Variants in KIF13B observed in about 807,000 individuals in gnomAD.
KIF13B encodes kinesin family member 13B.
Under a neutral mutation model 222.0 loss-of-function variants are expected in KIF13B, and 127 were observed. The ratio of observed to expected loss-of-function variants is 0.57; its 90% CI spans 0.50 to 0.66. KIF13B has a LOEUF of 0.66. Among genes scored for constraint, KIF13B ranks in the 30% least tolerant of loss-of-function variants. The probability of loss-of-function intolerance (pLI) is 0.00; values close to 1 mark genes in which losing one functional copy is unlikely to be tolerated. For missense variants in KIF13B, 2,173 were observed against 2,379.0 expected, an observed-to-expected ratio of 0.91 and a Z score of 1.80; for synonymous variants, 976 against 919.0, an observed-to-expected ratio of 1.06 and a Z score of -1.12.
In KIF13B at chr8:29,070,661, C is replaced by G; in HGVS notation, c.5324G>C (p.Arg1775Pro). 1 of 1,562,014 alleles carries G rather than the reference C, an allele frequency of 6.4e-7. No individual in the cohort carries two copies. The highest frequency in any genetic ancestry group is 8.7e-7 in the Non-Finnish European group (1 of 1,153,334). The change falls in exon 40 of 40, where the codon CGG becomes CCG. Residue 1775 changes from arginine to proline, a missense_variant. By Grantham distance (103) the Arg-to-Pro change is moderately radical. Around this residue, in one of 2 missense-constraint regions of KIF13B, gnomAD observed 693 missense variants for 656.2 expected, o/e 1.06. Transcript: ENST00000524189. This position sits in a 1 kb window ranked among gnomAD's most constrained non-coding sequence, Gnocchi z 4.1. ...SRVRRATGPV[R>P]RRSTGLRLGA... ...CAGCCGGAGTCCTGTGCTGCGCCGCCGCACAGGGCCCGTGGCCCTGCGGAC... is the reference window on the plus strand; with the variant it reads ...CAGCCGGAGTCCTGTGCTGCGCCGCGGCACAGGGCCCGTGGCCCTGCGGAC...
chr8:29,210,525 T>C (rs1814172107), intron 2 of KIF13B, among the ~76,000 whole-genome samples: 1 of 152,184 alleles, frequency 6.6e-6, no homozygotes, highest in Non-Finnish European at 1.5e-5. Context: ...TCCAAGAGTT[T>C]ACAGGGCTCC....
chr8:29,075,214 C>G (rs1027797257), intron 38 of KIF13B, 67 bp downstream of exon 38: 8 of 1,305,950 alleles, frequency 6.1e-6, no homozygotes, highest in Non-Finnish European at 8.7e-6. Flanking sequence ...GTGGACTCAA[C>G]AGTTTCGGCA....
At chr8:29,098,473 G>C (rs906726346) in intron 36 of KIF13B, among the ~76,000 whole-genome samples, 6 of 150,860 alleles carry the variant, frequency 4.0e-5, no homozygotes, top group Admixed American at 2.6e-4. Context: ...CGTGGTGGTG[G>C]GCGCCTGTAA....
chr8:29,089,834 C>T (rs1808211326), intron 37 of KIF13B, among the ~76,000 whole-genome samples: 1 of 147,212 alleles, frequency 6.8e-6, no homozygotes, highest in South Asian at 2.1e-4. Flanking sequence ...GTGGAGGTTG[C>T]AGTGAGCCAA....
intron 10 of KIF13B, among the ~76,000 whole-genome samples, chr8:29,172,812 C>T (rs951252399): frequency 6.6e-6 from 1 of 152,208 alleles, no homozygotes; most frequent in Non-Finnish European, 1.5e-5. Context: ...GATACTCCTG[C>T]AACAGGTGCT....
At chr8:29,215,703 C>T (rs1814447414) in intron 2 of KIF13B, among the ~76,000 whole-genome samples, 1 of 152,148 alleles carries the variant, frequency 6.6e-6, no homozygotes, top group African/African-American at 2.4e-5. Context: ...TAAGAGTATG[C>T]CTTCCAAGTT....
rs543545588 is a variant in KIF13B at position 29,069,712 on chromosome 8, T to C, written c.*792A>G. 6 of 152,304 alleles carry C rather than the reference T, an allele frequency of 3.9e-5. No individual in the cohort carries two copies. Among genetic ancestry groups the C allele is most frequent in the East Asian group, 3.9e-4 (2 of 5,166 alleles). 9.4% of individuals were successfully genotyped at this position (152,304 alleles called of 1,614,324 possible). A position where few individuals can be genotyped will look rare whatever the true frequency, so the allele number is the denominator to read the frequency against. On this transcript the variant is annotated 3_prime_UTR_variant, in exon 40 of 40. Coordinates refer to ENST00000524189, the MANE Select transcript of KIF13B (RefSeq NM_015254.4). ...GCCCCCCCACACAGGCAGACGACGA[T>C]TGCGGCTCGCAAATGATTTCGGATT...
chr8:29,130,501 G>T, intron 24 of KIF13B, 32 bp downstream of exon 24: 3 of 1,610,636 alleles, frequency 1.9e-6, no homozygotes, highest in South Asian at 1.1e-5. Flanking sequence ...TGGCACCAAA[G>T]AATCTAATGT....
intron 35 of KIF13B, among the ~76,000 whole-genome samples, chr8:29,105,650 G>GTTTTTTTTTTT (rs869030059): frequency 2.6e-5 from 2 of 78,072 alleles, no homozygotes; most frequent in Non-Finnish European, 4.3e-5. Flanking sequence ...AGTTTGTTTG[G>GTTTTTTTTTTT]TTTTTTTTTT....
chr8:29,160,645 T>G, intron 13 of KIF13B, 88 bp downstream of exon 13: 1 of 1,262,754 alleles, frequency 7.9e-7, no homozygotes, highest in Non-Finnish European at 1.1e-6. Context: ...GTTTTCTGAG[T>G]AAGCATGGTT....
chr8:29,176,953 G>A (rs1016440115), intron 9 of KIF13B, among the ~76,000 whole-genome samples: 2 of 152,172 alleles, frequency 1.3e-5, no homozygotes, highest in Non-Finnish European at 2.9e-5. Flanking sequence ...GCTCAACGTG[G>A]TTAGTACAAG....
At chr8:29,074,787 C>T (rs1040169693) in intron 38 of KIF13B, among the ~76,000 whole-genome samples, 5 of 152,268 alleles carry the variant, frequency 3.3e-5, no homozygotes, top group Non-Finnish European at 2.9e-5. Context: ...GAAAATTTTC[C>T]TAAGAAGATA....
intron 2 of KIF13B, among the ~76,000 whole-genome samples, chr8:29,204,277 C>T (rs189051047): frequency 6.9e-4 from 105 of 152,312 alleles, no homozygotes; most frequent in African/African-American, 2.5e-3. Context: ...TCCATAATTT[C>T]AAACTGTCAT....
chr8:29,091,098 A>G (rs1255271862), intron 37 of KIF13B, among the ~76,000 whole-genome samples: 1 of 152,228 alleles, frequency 6.6e-6, no homozygotes, highest in Non-Finnish European at 1.5e-5. Context: ...GTGCTCAAAC[A>G]ATAAATGAAC....
At chr8:29,212,376 T>A (rs1769397551) in intron 2 of KIF13B, among the ~76,000 whole-genome samples, 1 of 152,234 alleles carries the variant, frequency 6.6e-6, no homozygotes, top group Admixed American at 6.5e-5. Flanking sequence ...GCATCGTCTG[T>A]CGTTTTGATT....
At position 29,109,462 on chromosome 8, in the gene KIF13B, C is replaced by T; in HGVS notation, c.4133G>A (p.Arg1378Lys). ...QLTGKGKLSR[R>K]SISSPNVNRL... ...GTTCACATTTGGAGAACTGATACTC[C>T]TCCTGCTCAACTTTCCTTTTCCTGT... The change falls in exon 34 of 40, where the codon AGG (arginine) becomes AAG (lysine). Residue 1378 changes from arginine to lysine, a missense_variant. Arg to Lys is a conservative substitution (Grantham distance 26). This residue lies in a region of KIF13B where 1,480 missense variants were observed against 1,722.8 expected (regional missense o/e 0.86). Transcript: ENST00000524189. The T allele has an allele frequency of 6.2e-7, 1 of 1,613,924 alleles. No homozygotes were observed. The highest frequency in any genetic ancestry group is 8.5e-7 in the Non-Finnish European group (1 of 1,179,808).
intron 32 of KIF13B, among the ~76,000 whole-genome samples, chr8:29,111,983 T>A (rs749958179): frequency 1.3e-5 from 2 of 152,234 alleles, no homozygotes; most frequent in African/African-American, 2.4e-5. Flanking sequence ...TTAAATGTTC[T>A]GCAAACTCCA....
At chr8:29,152,062 G>A (rs989039392) in intron 14 of KIF13B, among the ~76,000 whole-genome samples, 5 of 152,136 alleles carry the variant, frequency 3.3e-5, no homozygotes, top group Admixed American at 6.5e-5. Context: ...GCCTTCGGGG[G>A]GTTCAAGACT....
At chr8:29,139,422 T>C (rs970134161) in intron 21 of KIF13B, among the ~76,000 whole-genome samples, 1 of 152,174 alleles carries the variant, frequency 6.6e-6, no homozygotes, top group Non-Finnish European at 1.5e-5. Flanking sequence ...AAGGAGCTGC[T>C]CTGAAATCAA....
Sources: gnomAD v4.1 joint callset for allele counts (sites outside exome capture counted in the v4.1 genomes callset) on GRCh38, gnomAD v4.1.1 for gene constraint, gnomAD v4.1.1 regional missense constraint, Gnocchi (gnomAD v3.1) non-coding constraint, MANE v1.5 for transcripts, NCBI Gene and HGNC (gene_info 2026-07-23, HGNC 2026-07-21) for gene names.